RNF38: variants seen among roughly 807,000 people sequenced by gnomAD.
RNF38 encodes the protein E3 ubiquitin-protein ligase RNF38.
RNF38 carries 15 observed loss-of-function variants against 67.2 expected under a neutral mutation model. The ratio of observed to expected loss-of-function variants is 0.22; its 90% confidence interval spans 0.15 to 0.34. The LOEUF is 0.34. RNF38 is among the 10% of genes least tolerant of loss of function. The pLI, the probability that RNF38 is intolerant of heterozygous loss-of-function variation, is 1.00. For synonymous variants in RNF38, 220 were observed against 218.8 expected, an observed-to-expected ratio of 1.01 and a Z score of -0.05; for missense variants, 524 against 639.9, an observed-to-expected ratio of 0.82 and a Z score of 1.95.
rs1311590806 is a variant in RNF38, at chr9:36,376,063, G to A, written c.227C>T (p.Ala76Val). The A allele has an allele frequency of 6.2e-7, 1 of 1,613,418 alleles. No homozygotes were observed. Among genetic ancestry groups the A allele is most frequent in the African/African-American group, 1.3e-5 (1 of 74,996 alleles). The change falls in exon 3 of 12, where the codon GCA becomes GTA. Residue 76 changes from alanine (A) to valine (V), a missense_variant. Transcript: ENST00000259605. ...LSHSVFDYTS[A>V]SPAPSPPMRP... ...CATTGGTGGTGAGGGAGCTGGTGAT[G>A]CTGATGTATAATCAAAGACTGAATG... is the stretch of plus-strand genomic sequence containing the variant.
chr9:36,357,131 CT>C (rs1242975210), intron 5 of RNF38, among the ~76,000 whole-genome samples: 3 of 152,068 alleles, frequency 2.0e-5, no homozygotes, highest in Non-Finnish European at 4.4e-5. Flanking sequence ...ATACAGCGCC[CT>C]CATTTCTGAA....
In RNF38 at chr9:36,414,673, C is replaced by T. The variant is rs200954416; in HGVS notation, n.312+9940G>A. On this transcript the variant is annotated intron_variant and non_coding_transcript_variant, in intron 2 of 3. Transcript: ENST00000488058. ...TGCACTCCAGCCTGGGCAACGAGAG[C>T]GAAACTCTGTCTCCAAAAAAAAAAA... 6.6e-4 allele frequency among the ~76,000 whole-genome samples: 90 copies of T among 137,122 alleles called. 1 individual carries two copies. The East Asian group carries it at 0.017, about 26-fold the overall frequency. 90.0% of individuals were successfully genotyped at this position (137,122 alleles called of 152,430 possible).
At chr9:36,455,910 C>CA (rs557637828) in intron 1 of RNF38, among the ~76,000 whole-genome samples, 2,006 of 94,098 alleles carry the variant, frequency 0.021, 20 homozygotes, top group Middle Eastern at 0.037. Context: ...GACTCCACCT[C>CA]AAAAAAAAAA....
intron 1 of RNF38, among the ~76,000 whole-genome samples, chr9:36,451,503 T>TC (rs1156938010): frequency 2.2e-5 from 3 of 137,598 alleles, no homozygotes; most frequent in African/African-American, 8.3e-5. Flanking sequence ...TTTTTTTTTT[T>TC]TTTTTTTTTT....
At chr9:36,476,691 C>CA (rs1315409053) in intron 1 of RNF38, among the ~76,000 whole-genome samples, 2 of 151,264 alleles carry the variant, frequency 1.3e-5, no homozygotes, top group African/African-American at 2.4e-5. Context: ...GCCCGGCTAA[C>CA]TTTTTTTTGT....
chr9:36,395,440 C>G (rs998718289), intron 1 of RNF38, among the ~76,000 whole-genome samples: 17 of 152,046 alleles, frequency 1.1e-4, no homozygotes, highest in African/African-American at 4.1e-4. Context: ...GCCCACAAAG[C>G]ATTCTTCAGC....
intron 1 of RNF38, among the ~76,000 whole-genome samples, chr9:36,484,115 C>T (rs75345004): frequency 1.1e-3 from 165 of 152,296 alleles, no homozygotes; most frequent in African/African-American, 3.7e-3. Flanking sequence ...CTTTAGTGGG[C>T]ATCCCAATCT....
Position 36,367,330 on chromosome 9 carries a change from C to A in RNF38, c.570+2389G>T, listed in dbSNP as rs1587522462. On this transcript the variant is annotated intron_variant, in intron 4 of 11. Transcript: ENST00000259605. ...AGCAAAAGGAATGCTATCAATAAGC[C>A]TTCCTACCACGTATTGAAAATTAAA... Among the ~76,000 whole-genome samples the A allele has an allele frequency of 2.0e-5, 3 of 152,262 alleles. No individual in the cohort carries two copies. The East Asian group carries it at 5.8e-4, about 29-fold the overall frequency.
intron 8 of RNF38, among the ~76,000 whole-genome samples, chr9:36,352,097 C>G (rs1401331693): frequency 6.6e-6 from 1 of 152,082 alleles, no homozygotes; most frequent in Non-Finnish European, 1.5e-5. Context: ...GTCAGGAGTT[C>G]GTGAGCAGCC....
intron 10 of RNF38, among the ~76,000 whole-genome samples, chr9:36,343,587 A>T (rs1300589805): frequency 6.6e-6 from 1 of 151,230 alleles, no homozygotes; most frequent in Non-Finnish European, 1.5e-5. Context: ...TGGCTATAAT[A>T]AAAAAAAATA....
chr9:36,457,036 C>T (rs575830351), intron 1 of RNF38, among the ~76,000 whole-genome samples: 1 of 152,072 alleles, frequency 6.6e-6, no homozygotes, highest in Non-Finnish European at 1.5e-5. Flanking sequence ...CCACATCCTA[C>T]AAGATTATCA....
chr9:36,462,950 G>A (rs1176890041), intron 1 of RNF38, among the ~76,000 whole-genome samples: 1 of 151,752 alleles, frequency 6.6e-6, no homozygotes, highest in Admixed American at 6.6e-5. Context: ...GGGATTACAG[G>A]TGTGAGCCAC....
At chr9:36,445,165 G>A (rs1839273112) in intron 1 of RNF38, among the ~76,000 whole-genome samples, 2 of 152,090 alleles carry the variant, frequency 1.3e-5, no homozygotes, top group African/African-American at 4.8e-5. Context: ...GACAGAGAAG[G>A]TACGCACTTA....
intron 1 of RNF38, among the ~76,000 whole-genome samples, chr9:36,435,730 C>T (rs1367662017): frequency 1.3e-5 from 2 of 151,502 alleles, no homozygotes; most frequent in African/African-American, 2.4e-5. Flanking sequence ...CCCGGGTTCA[C>T]GTCATTCTCC....
chr9:36,451,796 G>A (rs969201675), intron 1 of RNF38, among the ~76,000 whole-genome samples: 7 of 151,456 alleles, frequency 4.6e-5, no homozygotes, highest in South Asian at 2.1e-4. Flanking sequence ...CACTGCACCC[G>A]GCTTGCAGTA....
At chr9:36,484,873 A>C (rs1564081454) in intron 1 of RNF38, among the ~76,000 whole-genome samples, 1 of 152,070 alleles carries the variant, frequency 6.6e-6, no homozygotes, top group African/African-American at 2.4e-5. Context: ...TCTATCTAAA[A>C]ATGTATGTAT....
In RNF38 at chr9:36,336,909, TC is replaced by T. The variant is rs2133264709; in HGVS notation, c.*2842del. 1 of 152,274 alleles carries T rather than the reference TC, an allele frequency of 6.6e-6. No homozygotes were observed. The highest frequency in any genetic ancestry group is 2.1e-4 in the South Asian group (1 of 4,816). The allele number at this position is 152,274 out of a possible 1,614,324, so 9.4% of individuals were successfully genotyped here. A position where few individuals can be genotyped will look rare whatever the true frequency, so the allele number is the denominator to read the frequency against. ...TGCTTTCACATTTTCCAGATTTTGC[TC>T]AAAAAATTAAGGACAGAAAATCCTA... On this transcript the variant is annotated 3_prime_UTR_variant, in exon 12 of 12. Transcript: ENST00000259605.
chr9:36,453,431 G>A (rs1839508781), intron 1 of RNF38, among the ~76,000 whole-genome samples: 1 of 149,436 alleles, frequency 6.7e-6, no homozygotes. Flanking sequence ...TACCCAGGCT[G>A]GAGTGCAATG....
At chr9:36,487,512 C>G (rs1347175603) in exon 1 of RNF38, 2 of 980,464 alleles carry the variant, frequency 2.0e-6, no homozygotes, top group Non-Finnish European at 2.4e-6. Flanking sequence ...GCGGCGGCGG[C>G]TGCTGAGGCG....
Sources: allele counts gnomAD v4.1 joint callset (sites outside exome capture counted in the v4.1 genomes callset), GRCh38; gene constraint gnomAD v4.1.1; transcripts MANE v1.5; gene names NCBI Gene and HGNC (gene_info 2026-07-23, HGNC 2026-07-21).